Variants in SLCO6A1 observed in about 807,000 individuals in gnomAD.
The protein encoded by SLCO6A1 is solute carrier organic anion transporter family member 6A1.
SLCO6A1 carries 65 observed loss-of-function variants against 72.7 expected under a neutral mutation model. The ratio of observed to expected loss-of-function variants is 0.89; its 90% CI spans 0.73 to 1.10. The LOEUF (loss-of-function observed/expected upper bound fraction) is 1.10. Among genes scored for constraint, SLCO6A1 ranks in the 50% least tolerant of loss-of-function variants. SLCO6A1 has a pLI of 0.00. For synonymous variants in SLCO6A1, 314 were observed against 298.2 expected, an observed-to-expected ratio of 1.05 and a Z score of -0.55; for missense variants, 874 against 872.6, an observed-to-expected ratio of 1.00 and a Z score of -0.02.
chr5:102,455,992 C>T (rs1022063430), intron 6 of SLCO6A1, among the ~76,000 whole-genome samples: 3 of 152,098 alleles, frequency 2.0e-5, no homozygotes, highest in African/African-American at 7.2e-5. Flanking sequence ...TAAAGAGAAC[C>T]AACGACAAAA....
At chr5:102,491,850 C>A (rs1013916306) in intron 1 of SLCO6A1, among the ~76,000 whole-genome samples, 2 of 152,240 alleles carry the variant, frequency 1.3e-5, no homozygotes, top group African/African-American at 2.4e-5. Context: ...GGCGCCAAGG[C>A]GGAGGAGGTG....
rs1219091776 is a variant in SLCO6A1, at chr5:102,457,406, GA to G, written c.1131+975del. On this transcript the variant is annotated intron_variant, in intron 6 of 13. Coordinates refer to ENST00000506729, the MANE Select transcript of SLCO6A1 (RefSeq NM_173488.5). ...ACAATGAACTCAAACAAATTTACAA[GA>G]AAAAAAAAACAACCCCATCAAAAAG... Among the ~76,000 whole-genome samples the G allele has an allele frequency of 7.7e-4, 111 of 144,338 alleles. 2 individuals carry two copies. The East Asian group carries it at 0.019, about 25-fold the overall frequency. The allele number at this position is 144,338 out of a possible 152,430, so 94.7% of individuals were successfully genotyped here.
intron 10 of SLCO6A1, 35 bp from the exon 11 acceptor site, chr5:102,391,080 C>A (rs1746730807): frequency 1.3e-6 from 2 of 1,571,022 alleles, no homozygotes; most frequent in Non-Finnish European, 1.8e-6. Context: ...ATCAGCACAT[C>A]ATTGTTATTA....
chr5:102,419,703 G>T, intron 8 of SLCO6A1, 123 bp downstream of exon 8: 6 of 757,968 alleles, frequency 7.9e-6, no homozygotes, highest in South Asian at 2.2e-5. Context: ...TTTCTTTTAT[G>T]TGTTTGATAA....
intron 10 of SLCO6A1, among the ~76,000 whole-genome samples, chr5:102,392,053 T>A (rs955795587): frequency 6.6e-5 from 10 of 152,128 alleles, no homozygotes; most frequent in Non-Finnish European, 1.5e-4. Context: ...ATACTTACTT[T>A]TTGTTTATTT....
In SLCO6A1 at chr5:102,433,917, A is replaced by G. The variant is rs570645063; in HGVS notation, c.1276+4700T>C. ...TCTTGTGTTCTTTAAAGGATACAATATTTAAAATTATTATAGTTGCACAAG... is the reference window on the plus strand; with the variant it reads ...TCTTGTGTTCTTTAAAGGATACAATGTTTAAAATTATTATAGTTGCACAAG... On this transcript the variant is annotated intron_variant, in intron 7 of 13. Coordinates refer to ENST00000506729, the MANE Select transcript of SLCO6A1 (RefSeq NM_173488.5). 2.0e-5 allele frequency among the ~76,000 whole-genome samples: 3 copies of G among 152,192 alleles called. No individual in the cohort carries two copies. The East Asian group carries it at 5.8e-4, about 29-fold the overall frequency.
intron 4 of SLCO6A1, among the ~76,000 whole-genome samples, chr5:102,473,643 G>A (rs759389292): frequency 6.6e-5 from 10 of 151,950 alleles, no homozygotes; most frequent in Non-Finnish European, 1.0e-4. Flanking sequence ...GAAATAAAAG[G>A]CATCCAAATA....
At chr5:102,420,317 T>G (rs1208558520) in intron 7 of SLCO6A1, among the ~76,000 whole-genome samples, 1 of 152,148 alleles carries the variant, frequency 6.6e-6, no homozygotes, top group East Asian at 1.9e-4. Flanking sequence ...CCATGCAAAA[T>G]GGAAGACGAG....
chr5:102,434,480 C>T (rs1277962816), intron 7 of SLCO6A1, among the ~76,000 whole-genome samples: 1 of 152,228 alleles, frequency 6.6e-6, no homozygotes, highest in Non-Finnish European at 1.5e-5. Context: ...CTAGCAGGAA[C>T]TCTCATTACT....
chr5:102,457,765 G>A (rs1202224014), intron 6 of SLCO6A1, among the ~76,000 whole-genome samples: 1 of 152,080 alleles, frequency 6.6e-6, no homozygotes, highest in Non-Finnish European at 1.5e-5. Flanking sequence ...TGTACCCAAA[G>A]GATTATAAAT....
intron 7 of SLCO6A1, among the ~76,000 whole-genome samples, chr5:102,435,467 G>A (rs935971672): frequency 6.6e-6 from 1 of 152,260 alleles, no homozygotes; most frequent in Admixed American, 6.5e-5. Flanking sequence ...CGGTCTAACA[G>A]AAACAATGTA....
chr5:102,453,464 A>G (rs955548036), intron 6 of SLCO6A1, among the ~76,000 whole-genome samples: 3 of 152,194 alleles, frequency 2.0e-5, no homozygotes. Flanking sequence ...CACCTCAGAG[A>G]CAGTTTGTAC....
chr5:102,373,523 A>G (rs1017651439), intron 12 of SLCO6A1, 29 bp from the exon 13 acceptor site: 1 of 1,386,124 alleles, frequency 7.2e-7, no homozygotes, highest in Admixed American at 2.6e-5. Context: ...ATGATCAGAT[A>G]TGTCCATGTA....
At chr5:102,446,542 C>T (rs945458421) in intron 6 of SLCO6A1, among the ~76,000 whole-genome samples, 3 of 152,104 alleles carry the variant, frequency 2.0e-5, no homozygotes, top group African/African-American at 7.2e-5. Flanking sequence ...TCCTCTCTTC[C>T]TATTTGGATG....
At chr5:102,394,497 CATATT>C (rs1217810606) in intron 10 of SLCO6A1, among the ~76,000 whole-genome samples, 2 of 151,766 alleles carry the variant, frequency 1.3e-5, no homozygotes, top group Middle Eastern at 3.4e-3. Flanking sequence ...CATACAATAT[CATATT>C]ATATGTAGTA....
Position 102,399,102 on chromosome 5 carries a change from TA to T in SLCO6A1, c.1814+452del, listed in dbSNP as rs201349603. ...ATAAATAATAAATGTTGGTTTTGTT[TA>T]GAATAATAATAAAAATTATATACTG... On this transcript the variant is annotated intron_variant, in intron 10 of 13. Transcript: ENST00000506729. Among the ~76,000 whole-genome samples, 1,261 of 152,272 alleles carry T rather than the reference TA, an allele frequency of 8.3e-3. 14 individuals are homozygous for T. Among genetic ancestry groups the T allele is most frequent in the Non-Finnish European group, 0.015 (1,011 of 68,010 alleles).
intron 6 of SLCO6A1, among the ~76,000 whole-genome samples, chr5:102,454,016 T>C (rs1750569910): frequency 6.6e-6 from 1 of 152,230 alleles, no homozygotes; most frequent in South Asian, 2.1e-4. Context: ...CCCATGAATA[T>C]ATTAAAGCTT....
intron 6 of SLCO6A1, among the ~76,000 whole-genome samples, chr5:102,455,841 A>T (rs920611347): frequency 8.3e-4 from 126 of 152,212 alleles, no homozygotes; most frequent in African/African-American, 3.0e-3. Flanking sequence ...AAAAGTCTTG[A>T]TACAAAAATC....
In SLCO6A1 at chr5:102,498,492, C is replaced by G. The variant is rs1753011407; in HGVS notation, c.353G>C (p.Cys118Ser). ...FMIFYCILLI[C>S]QGVVFGLIDV... ...ACCGCCTCCTTCAGGCTCACCTTGA[C>G]ATATGAGCAGGATGCAGTAGAAAAT... is the stretch of plus-strand genomic sequence containing the variant. The change falls in exon 1 of 14, where the codon TGT (cysteine) becomes TCT (serine). Residue 118 changes from cysteine (C) to serine (S), a missense_variant. Coordinates refer to ENST00000506729, the MANE Select transcript of SLCO6A1 (RefSeq NM_173488.5). 6.2e-7 allele frequency: 1 copy of G among 1,611,998 alleles called. No homozygotes were observed. The highest frequency in any genetic ancestry group is 1.3e-5 in the African/African-American group (1 of 74,958).
Sources: gnomAD v4.1 joint callset for allele counts (sites outside exome capture counted in the v4.1 genomes callset) on GRCh38, gnomAD v4.1.1 for gene constraint, MANE v1.5 for transcripts, NCBI Gene and HGNC (gene_info 2026-07-23, HGNC 2026-07-21) for gene names.